Variants in CASP9 observed in about 807,000 individuals in gnomAD.
CASP9 encodes the protein caspase-9.
A neutral mutation model predicts 43.5 loss-of-function variants in CASP9; 29 were observed. The observed-to-expected ratio is 0.67, with a 90% CI of 0.50 to 0.91. CASP9 has a LOEUF of 0.91. CASP9 is among the 40% of genes least tolerant of loss of function. CASP9 has a pLI of 0.00. For synonymous variants in CASP9, 206 were observed against 211.9 expected (o/e 0.97, Z 0.24); for missense variants, 575 against 537.4 (o/e 1.07, Z -0.69).
At position 15,492,289 on chromosome 1, in the gene CASP9, A is replaced by T. The variant is rs1223406059; in HGVS notation, c.*654T>A. On this transcript the variant is annotated 3_prime_UTR_variant, in exon 9 of 9. Transcript: ENST00000333868. Reference sequence around the variant, plus strand: ...GCAAAAGAGAGTCCATATTTGCCTCAGATTTATTTTTTAAAATTAATGCAA... The same window carrying T: ...GCAAAAGAGAGTCCATATTTGCCTCTGATTTATTTTTTAAAATTAATGCAA... 6.6e-6 allele frequency: 1 copy of T among 152,254 alleles called. No homozygotes were observed. Among genetic ancestry groups the T allele is most frequent in the Non-Finnish European group, 1.5e-5 (1 of 68,044 alleles). 9.4% of individuals were successfully genotyped at this position (152,254 alleles called of 1,614,324 possible). A position where few individuals can be genotyped will look rare whatever the true frequency, so the allele number is the denominator to read the frequency against.
intron 2 of CASP9, among the ~76,000 whole-genome samples, chr1:15,513,802 A>G (rs771713428): frequency 1.3e-5 from 2 of 152,216 alleles, no homozygotes; most frequent in Non-Finnish European, 2.9e-5. Flanking sequence ...AGTGAGTCTG[A>G]GGTACTTGGG....
At chr1:15,509,495 C>T (rs951830104) in intron 2 of CASP9, among the ~76,000 whole-genome samples, 2 of 149,336 alleles carry the variant, frequency 1.3e-5, no homozygotes, top group African/African-American at 4.9e-5. Context: ...ATTAGCCAGG[C>T]GAGGGGGCAG....
chr1:15,507,012 G>C lies in CASP9; in HGVS notation c.517C>G (p.Arg173Gly), dbSNP rs372045782. Reference sequence around the variant, plus strand: ...GTGCGGGTGCGGAGCCCGGACTCACGGCAGAAGTTCACATTGTTGATAATG... The same window carrying C: ...GTGCGGGTGCGGAGCCCGGACTCACCGCAGAAGTTCACATTGTTGATAATG... ...CLIINNVNFC[R>G]ESGLRTRTGS... is the part of the protein sequence containing the mutation. The change falls in exon 4 of 9, where the codon CGT becomes GGT. Residue 173 changes from arginine to glycine, a missense_variant. Physicochemically the swap from Arg to Gly is moderately radical, Grantham distance 125. Coordinates refer to ENST00000333868, the MANE Select transcript of CASP9 (RefSeq NM_001229.5). 4 of 1,614,052 alleles carry C rather than the reference G, an allele frequency of 2.5e-6. No individual in the cohort carries two copies. Among genetic ancestry groups the C allele is most frequent in the Non-Finnish European group, 3.4e-6 (4 of 1,180,018 alleles).
intron 8 of CASP9, chr1:15,493,428 G>C (rs1477879915): frequency 2.4e-6 from 3 of 1,248,270 alleles, no homozygotes; most frequent in Non-Finnish European, 3.0e-6. Context: ...GAGTAGGACT[G>C]GGCCTATCAG....
rs2308945 is a variant in CASP9, at chr1:15,495,524, C to T, written c.869-72G>A. The T allele has an allele frequency of 2.0e-4, 258 of 1,302,706 alleles. No homozygotes were observed. In the African/African-American group the frequency reaches 3.3e-3, roughly 17 times the overall value. The allele number at this position is 1,302,706 out of a possible 1,614,324, so 80.7% of individuals were successfully genotyped here. A position where few individuals can be genotyped will look rare whatever the true frequency, so the allele number is the denominator to read the frequency against. On this transcript the variant is annotated intron_variant, in intron 6 of 8. Transcript: ENST00000333868. The stretch of plus-strand genomic sequence containing the variant: ...CAAGGATGGTTCAACATATGAAAGT[C>T]GGTGCAATATACTACATTAACAGTG...
rs537750551 is a variant in CASP9 at position 15,523,983 on chromosome 1, G to A, written c.132+86C>T. ...CTCCGCTGAGGGGTTTGAAGCCACAGGGAAGGCTAGGCTCCCGCACAACGC... is the reference window on the plus strand; with the variant it reads ...CTCCGCTGAGGGGTTTGAAGCCACAAGGAAGGCTAGGCTCCCGCACAACGC... On this transcript the variant is annotated intron_variant, in intron 1 of 8. Coordinates refer to ENST00000333868, the MANE Select transcript of CASP9 (RefSeq NM_001229.5). The A allele has an allele frequency of 8.8e-5, 92 of 1,045,364 alleles. No individual in the cohort carries two copies. The African/African-American group carries it at 1.3e-3, about 15-fold the overall frequency. 64.8% of individuals were successfully genotyped at this position (1,045,364 alleles called of 1,614,324 possible). A position where few individuals can be genotyped will look rare whatever the true frequency, so the allele number is the denominator to read the frequency against.
intron 6 of CASP9, among the ~76,000 whole-genome samples, chr1:15,497,651 A>AT (rs1557535933): frequency 3.6e-5 from 4 of 112,082 alleles, no homozygotes; most frequent in Non-Finnish European, 8.1e-5. Flanking sequence ...CAAGAAAAAA[A>AT]AAAAAAAGAT....
At chr1:15,512,608 C>G (rs564578097) in intron 2 of CASP9, among the ~76,000 whole-genome samples, 3 of 152,234 alleles carry the variant, frequency 2.0e-5, no homozygotes, top group African/African-American at 7.2e-5. Flanking sequence ...GATCTTGGAA[C>G]TTCTCAGCGT....
intron 6 of CASP9, among the ~76,000 whole-genome samples, chr1:15,503,822 G>A (rs528257747): frequency 2.4e-4 from 36 of 152,288 alleles, no homozygotes; most frequent in Non-Finnish European, 4.9e-4. Flanking sequence ...GGAGAGCCTA[G>A]GGCAGAGGGG....
At chr1:15,508,717 A>C (rs1709619412) in intron 2 of CASP9, among the ~76,000 whole-genome samples, 1 of 139,434 alleles carries the variant, frequency 7.2e-6, no homozygotes, top group Non-Finnish European at 1.6e-5. Flanking sequence ...ACCCAGCCTC[A>C]AATCATTTCT....
At chr1:15,508,849 C>T (rs2103354929) in intron 2 of CASP9, among the ~76,000 whole-genome samples, 1 of 152,346 alleles carries the variant, frequency 6.6e-6, no homozygotes, top group East Asian at 1.9e-4. Context: ...GCCAGATATA[C>T]TCAGCAAAGA....
At chr1:15,514,475 CAT>C (rs2103366589) in intron 2 of CASP9, among the ~76,000 whole-genome samples, 1 of 152,276 alleles carries the variant, frequency 6.6e-6, no homozygotes, top group East Asian at 1.9e-4. Context: ...CTAAAAAGGA[CAT>C]CTCTCAGCAG....
chr1:15,513,593 C>A (rs940878981), intron 2 of CASP9, among the ~76,000 whole-genome samples: 1 of 152,080 alleles, frequency 6.6e-6, no homozygotes, highest in Non-Finnish European at 1.5e-5. Context: ...GAATAAAGAC[C>A]AAATTAGGCA....
chr1:15,518,830 G>A (rs1209814525), intron 1 of CASP9, among the ~76,000 whole-genome samples: 1 of 152,010 alleles, frequency 6.6e-6, no homozygotes, highest in African/African-American at 2.4e-5. Flanking sequence ...AATTCATCCT[G>A]AGACCTGTCA....
intron 1 of CASP9, among the ~76,000 whole-genome samples, chr1:15,522,656 A>G (rs1710250575): frequency 2.6e-5 from 4 of 152,250 alleles, no homozygotes; most frequent in Non-Finnish European, 5.9e-5. Flanking sequence ...TCAAGGTCGC[A>G]GTGAGCCATG....
At chr1:15,498,287 C>T (rs183506288) in intron 6 of CASP9, among the ~76,000 whole-genome samples, 82 of 152,020 alleles carry the variant, frequency 5.4e-4, no homozygotes, top group African/African-American at 1.9e-3. Context: ...CCATGTTGCC[C>T]GGGCTGGTCT....
chr1:15,520,523 A>T (rs1371936818), intron 1 of CASP9, among the ~76,000 whole-genome samples: 1 of 152,212 alleles, frequency 6.6e-6, no homozygotes, highest in African/African-American at 2.4e-5. Context: ...TCAGGTGCTG[A>T]AGGGACATTG....
chr1:15,504,555 G>T lies in CASP9; in HGVS notation c.868+56C>A, dbSNP rs530775087. ...GAGGGGCAGGCTGGAGAAAGAAGCA[G>T]GTGGCGGCTCCCTCCCCACCAGACC... On this transcript the variant is annotated intron_variant, in intron 6 of 8. Transcript: ENST00000333868. The T allele has an allele frequency of 1.6e-5, 24 of 1,542,932 alleles. No individual in the cohort carries two copies. In the South Asian group the frequency reaches 2.7e-4, roughly 18 times the overall value.
At chr1:15,519,041 A>AT (rs35665235) in intron 1 of CASP9, among the ~76,000 whole-genome samples, 46,293 of 149,952 alleles carry the variant, frequency 0.31, 7,376 homozygotes, top group East Asian at 0.58. Flanking sequence ...TACCTGACTA[A>AT]TTTTTTTTTT....
Sources: gnomAD v4.1 joint callset for allele counts (sites outside exome capture counted in the v4.1 genomes callset) on GRCh38, gnomAD v4.1.1 for gene constraint, MANE v1.5 for transcripts, NCBI Gene and HGNC (gene_info 2026-07-23, HGNC 2026-07-21) for gene names.